The following KIF26B variants were observed in gnomAD, a reference collection of about 807,000 sequenced individuals.
KIF26B encodes kinesin family member 26B.
In KIF26B, 63 loss-of-function variants were observed where a neutral mutation model predicts 151.2. The observed-to-expected ratio is 0.42, with a 90% CI of 0.34 to 0.51. KIF26B has a LOEUF of 0.51. Ranked by LOEUF, KIF26B falls within the 20% of genes least tolerant of loss-of-function variation. The pLI, the probability that KIF26B is intolerant of heterozygous loss-of-function variation, is 0.07. For synonymous variants in KIF26B, 1,357 were observed against 1,262.1 expected (o/e 1.08, Z -1.59); for missense variants, 2,813 against 2,913.6 (o/e 0.97, Z 0.79).
At chr1:245,558,218 A>G (rs1240567554) in intron 5 of KIF26B, among the ~76,000 whole-genome samples, 5 of 152,140 alleles carry the variant, frequency 3.3e-5, no homozygotes, top group Admixed American at 6.5e-5. Flanking sequence ...AGCTGGTCAC[A>G]TGGCTCCCCC....
chr1:245,527,596 T>G (rs531131004), intron 4 of KIF26B, among the ~76,000 whole-genome samples: 4 of 125,264 alleles, frequency 3.2e-5, no homozygotes, highest in African/African-American at 3.2e-5. Flanking sequence ...CGCAGTGGCG[T>G]GATCTCGGCT....
chr1:245,569,052 A>G (rs1169794603), intron 5 of KIF26B, among the ~76,000 whole-genome samples: 1 of 152,194 alleles, frequency 6.6e-6, no homozygotes, highest in Middle Eastern at 3.2e-3. Context: ...AGGTGCATCC[A>G]GGGTTTGGTT....
Position 245,540,574 on chromosome 1 carries a change from T to C in KIF26B, c.1167-193T>C, listed in dbSNP as rs560387285. The C allele has an allele frequency of 7.1e-5, 51 of 717,238 alleles. No individual in the cohort carries two copies. In the African/African-American group the frequency reaches 7.8e-4, roughly 11 times the overall value. 44.4% of individuals were successfully genotyped at this position (717,238 alleles called of 1,614,324 possible). On this transcript the variant is annotated intron_variant, in intron 4 of 14. Coordinates refer to ENST00000407071, the MANE Select transcript of KIF26B (RefSeq NM_018012.4). This position sits in a 1 kb window ranked among gnomAD's most constrained non-coding sequence, Gnocchi z 4.6. ...TATGGCTTTGTTTTTCCTTTTGTCG[T>C]ATAAATGATTGGGTAGCTCGTTAAC...
At chr1:245,266,458 G>A (rs557408968) in intron 2 of KIF26B, among the ~76,000 whole-genome samples, 10 of 152,124 alleles carry the variant, frequency 6.6e-5, no homozygotes, top group Admixed American at 5.2e-4. Flanking sequence ...AAGCTTTGGA[G>A]TCAGTCCAGG....
At chr1:245,386,827 T>C (rs1037714943) in intron 3 of KIF26B, among the ~76,000 whole-genome samples, 1 of 152,224 alleles carries the variant, frequency 6.6e-6, no homozygotes, top group Non-Finnish European at 1.5e-5. Context: ...TTACTCAGTA[T>C]TTAGTTCATT....
intron 3 of KIF26B, among the ~76,000 whole-genome samples, chr1:245,410,642 G>A (rs1209498171): frequency 6.6e-6 from 1 of 152,092 alleles, no homozygotes; most frequent in South Asian, 2.1e-4. Flanking sequence ...TAGAGACAGG[G>A]TTTCACCATG....
At position 245,674,456 on chromosome 1, in the gene KIF26B, T is replaced by G. The variant is rs139544869; in HGVS notation, c.2259-9777T>G. Among the ~76,000 whole-genome samples the G allele has an allele frequency of 7.1e-4, 108 of 152,362 alleles. 1 individual carries two copies. In the East Asian group the frequency reaches 0.019, roughly 26 times the overall value. ...ATTAAAGAACAGTCTGCATGCTCAG[T>G]AAGTGCACAGGGTCTTATTACCGAA... On this transcript the variant is annotated intron_variant, in intron 10 of 14. Transcript: ENST00000407071.
At chr1:245,681,334 T>C (rs1026542493) in intron 10 of KIF26B, among the ~76,000 whole-genome samples, 7 of 151,876 alleles carry the variant, frequency 4.6e-5, no homozygotes, top group Non-Finnish European at 8.8e-5. Flanking sequence ...CTCAGCCTCC[T>C]GAGTAGCTGG....
intron 2 of KIF26B, among the ~76,000 whole-genome samples, chr1:245,304,869 T>C (rs1671507888): frequency 1.3e-5 from 2 of 151,386 alleles, no homozygotes; most frequent in East Asian, 1.9e-4. Context: ...GACAGACCCA[T>C]CTTTAAAAAA....
In KIF26B at chr1:245,476,527, T is replaced by TTAC. The variant is rs1558181504; in HGVS notation, c.1166+56783_1166+56784insACT. On this transcript the variant is annotated intron_variant, in intron 4 of 14. Transcript: ENST00000407071. ...ATTTATTTATTTATTTATTTATTTATTTACTTACTTACTTACTTACTTACT... is the reference window on the plus strand; with the variant it reads ...ATTTATTTATTTATTTATTTATTTATTACTTACTTACTTACTTACTTACTTACT... Among the ~76,000 whole-genome samples, 46 of 127,948 alleles carry TTAC rather than the reference T, an allele frequency of 3.6e-4. 1 individual carries two copies. Among genetic ancestry groups the TTAC allele is most frequent in the African/African-American group, 1.4e-3 (43 of 30,118 alleles). The allele number at this position is 127,948 out of a possible 152,430, so 83.9% of individuals were successfully genotyped here.
chr1:245,443,571 C>A (rs1659171439), intron 4 of KIF26B, among the ~76,000 whole-genome samples: 1 of 119,248 alleles, frequency 8.4e-6, no homozygotes, highest in African/African-American at 2.7e-5. Context: ...CCTCACTGTT[C>A]ACCCTGCGGT....
At chr1:245,409,276 G>A (rs1288752196) in intron 3 of KIF26B, among the ~76,000 whole-genome samples, 1 of 152,188 alleles carries the variant, frequency 6.6e-6, no homozygotes, top group Non-Finnish European at 1.5e-5. Context: ...AGAAATCTAA[G>A]GGAGGAACCC....
chr1:245,175,835 T>C (rs2103524782), intron 2 of KIF26B, among the ~76,000 whole-genome samples: 1 of 151,730 alleles, frequency 6.6e-6, no homozygotes, highest in Non-Finnish European at 1.5e-5. Flanking sequence ...GGTGGAGAAA[T>C]TTTATTTTCA....
At chr1:245,379,318 G>T (rs1437219262) in intron 3 of KIF26B, among the ~76,000 whole-genome samples, 1 of 152,142 alleles carries the variant, frequency 6.6e-6, no homozygotes, top group African/African-American at 2.4e-5. Context: ...CATATTTGGG[G>T]ATCTTTCTAA....
chr1:245,199,818 T>G (rs1169845181), intron 2 of KIF26B, among the ~76,000 whole-genome samples: 1 of 16,214 alleles, frequency 6.2e-5, no homozygotes, highest in Non-Finnish European at 3.0e-4. Flanking sequence ...CATCTGTCCA[T>G]CCATCCATCC....
intron 3 of KIF26B, among the ~76,000 whole-genome samples, chr1:245,370,895 TG>T (rs1375946451): frequency 6.6e-6 from 1 of 152,202 alleles, no homozygotes; most frequent in Non-Finnish European, 1.5e-5. Flanking sequence ...AGGTGGTGGG[TG>T]GGGCCGCAGC....
intron 2 of KIF26B, among the ~76,000 whole-genome samples, chr1:245,293,686 C>G (rs1424279417): frequency 6.6e-6 from 1 of 151,510 alleles, no homozygotes; most frequent in African/African-American, 2.4e-5. Flanking sequence ...TCAAGCAATT[C>G]TCCTGCCTTA....
intron 4 of KIF26B, among the ~76,000 whole-genome samples, chr1:245,468,951 C>A (rs1659849870): frequency 6.6e-6 from 1 of 152,152 alleles, no homozygotes; most frequent in Non-Finnish European, 1.5e-5. Context: ...TACACACATA[C>A]CTTGTGTGTA....
chr1:245,445,627 T>G (rs1659233246), intron 4 of KIF26B, among the ~76,000 whole-genome samples: 1 of 152,204 alleles, frequency 6.6e-6, no homozygotes, highest in African/African-American at 2.4e-5. Flanking sequence ...TCCATAATAA[T>G]AGGTCAAATA....
Sources: allele counts gnomAD v4.1 joint callset (sites outside exome capture counted in the v4.1 genomes callset), GRCh38; gene constraint gnomAD v4.1.1; non-coding constraint Gnocchi (gnomAD v3.1); transcripts MANE v1.5; gene names NCBI Gene and HGNC (gene_info 2026-07-23, HGNC 2026-07-21).